The following NKPD1 variants were observed in gnomAD, a reference collection of about 807,000 sequenced individuals.
The protein encoded by NKPD1 is NTPase KAP family P-loop domain-containing protein 1.
A neutral mutation model predicts 42.2 loss-of-function variants in NKPD1; 37 were observed. That is an observed-to-expected ratio of 0.88 (90% CI 0.67 to 1.15). The LOEUF is 1.15. NKPD1 is among the 50% of genes most tolerant of loss of function. The pLI, the probability that NKPD1 is intolerant of heterozygous loss-of-function variation, is 0.00. For synonymous variants in NKPD1, 552 were observed against 536.5 expected (o/e 1.03, Z -0.40); for missense variants, 1,113 against 1,174.6 (o/e 0.95, Z 0.77).
In NKPD1 at chr19:45,152,128, T is replaced by G. The variant is rs556469784; in HGVS notation, c.2309A>C (p.Lys770Thr). Residue 770 changes from lysine to threonine, a missense_variant, in exon 5 of 5, where the codon AAG (lysine) becomes ACG (threonine). Lys to Thr is a moderately conservative substitution (Grantham distance 78). Coordinates refer to ENST00000686631, the MANE Select transcript of NKPD1 (RefSeq NM_198478.4). ...GTGGGGGGTATCGCGGGTAGGGGACTTGGGCGGGCTGGGCGGCTTGAGCGC... is the reference window on the plus strand; with the variant it reads ...GTGGGGGGTATCGCGGGTAGGGGACGTGGGCGGGCTGGGCGGCTTGAGCGC... Reference protein sequence around the residue: ...VSALKPPSPPKSPTRDTPHAA... With the variant: ...VSALKPPSPPTSPTRDTPHAA... The G allele has an allele frequency of 1.7e-5, 28 of 1,602,780 alleles. 1 individual carries two copies. The African/African-American group carries it at 2.9e-4, about 17-fold the overall frequency.
At chr19:45,154,685 G>A (rs1037077164) in intron 4 of NKPD1, among the ~76,000 whole-genome samples, 3 of 152,178 alleles carry the variant, frequency 2.0e-5, no homozygotes, top group South Asian at 2.1e-4. Context: ...CTGGCCCCAC[G>A]TGGGGCTGAG....
rs369145932 is a variant in NKPD1, at chr19:45,150,789, CTG to C, written c.*1147_*1148del. 54 of 152,406 alleles carry C rather than the reference CTG, an allele frequency of 3.5e-4. No homozygotes were observed. Among genetic ancestry groups the C allele is most frequent in the African/African-American group, 1.3e-3 (52 of 41,582 alleles). 9.4% of individuals were successfully genotyped at this position (152,406 alleles called of 1,614,324 possible). ...TATGCCCAGCCTTGGAACTAAAGAACTGTGAGGTCAGTGACCCAGTCCCATGG... is the reference window on the plus strand; with the variant it reads ...TATGCCCAGCCTTGGAACTAAAGAACTGAGGTCAGTGACCCAGTCCCATGG... On this transcript the variant is annotated 3_prime_UTR_variant, in exon 5 of 5. Coordinates refer to ENST00000686631, the MANE Select transcript of NKPD1 (RefSeq NM_198478.4).
chr19:45,157,719 CT>C (rs34991759), intron 3 of NKPD1, among the ~76,000 whole-genome samples: 7,842 of 83,084 alleles, frequency 0.094, 149 homozygotes, highest in Non-Finnish European at 0.12. Context: ...CCCAGACATA[CT>C]TTTTTTTTTT....
At position 45,153,756 on chromosome 19, in the gene NKPD1, G is replaced by A; in HGVS notation, c.681C>T (p.Ala227=). The change falls in exon 5 of 5, where the codon GCC becomes GCT. Residue 227 remains alanine, a synonymous_variant. Coordinates refer to ENST00000686631, the MANE Select transcript of NKPD1 (RefSeq NM_198478.4). ...GCAGCTCCTCGCTCTCGCGCTGCGC[G>A]GCCTCCTGCTGCATCAGCGCTGCGG... ...DKITALMQQE[A]AQRESEELQH... 1.3e-6 allele frequency: 2 copies of A among 1,497,248 alleles called. No individual in the cohort carries two copies. The highest frequency in any genetic ancestry group is 1.8e-6 in the Non-Finnish European group (2 of 1,116,828). The allele number at this position is 1,497,248 out of a possible 1,614,324, so 92.7% of individuals were successfully genotyped here. A position where few individuals can be genotyped will look rare whatever the true frequency, so the allele number is the denominator to read the frequency against.
At position 45,152,380 on chromosome 19, in the gene NKPD1, C is replaced by T; in HGVS notation, c.2057G>A (p.Gly686Asp). 2 of 1,584,396 alleles carry T rather than the reference C, an allele frequency of 1.3e-6. No homozygotes were observed. The highest frequency in any genetic ancestry group is 1.8e-5 in the Admixed American group (1 of 56,658). ...DRQQTGGAPE[G>D]RARLWDVFRD... ...GAAAACGTCCCAGAGGCGCGCGCGG[C>T]CCTCGGGCGCGCCCCCGGTCTGCTG... Residue 686 changes from glycine to aspartate, a missense_variant, in exon 5 of 5, where the codon GGC (glycine) becomes GAC (aspartate). By Grantham distance (94) the Gly-to-Asp change is moderately conservative (BLOSUM62 -1). This residue lies in a region of NKPD1 where 867 missense variants were observed against 870.1 expected (regional missense o/e 1.00). Coordinates refer to ENST00000686631, the MANE Select transcript of NKPD1 (RefSeq NM_198478.4).
Position 45,158,977 on chromosome 19 carries a change from C to T in NKPD1, c.215G>A (p.Arg72His), listed in dbSNP as rs1448038230. The T allele has an allele frequency of 5.4e-6, 7 of 1,300,284 alleles. No individual in the cohort carries two copies. Among genetic ancestry groups the T allele is most frequent in the South Asian group, 2.5e-5 (2 of 80,738 alleles). 80.5% of individuals were successfully genotyped at this position (1,300,284 alleles called of 1,614,324 possible). Residue 72 changes from arginine to histidine, a missense_variant, in exon 3 of 5, where the codon CGC becomes CAC. Physicochemically the swap from Arg to His is conservative, Grantham distance 29 (BLOSUM62 0). Coordinates refer to ENST00000686631, the MANE Select transcript of NKPD1 (RefSeq NM_198478.4). The surrounding 1 kb of genome is among the most constrained non-coding windows in gnomAD (Gnocchi z 4.6). Reference sequence around the variant, plus strand: ...CAGGACGGAGGGCAGGAGGCCCCGGCGCCAGCCACTGCCACCCACTTGGTG... The same window carrying T: ...CAGGACGGAGGGCAGGAGGCCCCGGTGCCAGCCACTGCCACCCACTTGGTG... ...HSHQVGGSGW[R>H]RGLLPSVLQQ...
chr19:45,156,392 T>C (rs1274315651), intron 3 of NKPD1, among the ~76,000 whole-genome samples: 1 of 152,134 alleles, frequency 6.6e-6, no homozygotes, highest in Non-Finnish European at 1.5e-5. Context: ...CCTCCCACCG[T>C]CCTGTCCATC....
At position 45,152,284 on chromosome 19, in the gene NKPD1, G is replaced by A. The variant is rs1027175050; in HGVS notation, c.2153C>T (p.Pro718Leu). 4 of 1,610,360 alleles carry A rather than the reference G, an allele frequency of 2.5e-6. No homozygotes were observed. Among genetic ancestry groups the A allele is most frequent in the Non-Finnish European group, 3.4e-6 (4 of 1,178,922 alleles). The change falls in exon 5 of 5, where the codon CCC (proline) becomes CTC (leucine). Residue 718 changes from proline (P) to leucine (L), a missense_variant. Physicochemically the swap from Pro to Leu is moderately conservative, Grantham distance 98. This residue lies in a region of NKPD1 where 867 missense variants were observed against 870.1 expected (regional missense o/e 1.00). Transcript: ENST00000686631. ...LQNVLDLDGD[P>L]ELFERFLGAD... ...GCCCAGGAAGCGCTCGAAGAGCTCG[G>A]GGTCGCCGTCCAGGTCGAGCACGTT... is the stretch of plus-strand genomic sequence containing the variant.
Position 45,158,601 on chromosome 19 carries a change from G to A in NKPD1, c.529+62C>T. The A allele has an allele frequency of 8.7e-7, 1 of 1,144,534 alleles. No individual in the cohort carries two copies. Among genetic ancestry groups the A allele is most frequent in the Non-Finnish European group, 1.1e-6 (1 of 921,998 alleles). The allele number at this position is 1,144,534 out of a possible 1,614,324, so 70.9% of individuals were successfully genotyped here. A position where few individuals can be genotyped will look rare whatever the true frequency, so the allele number is the denominator to read the frequency against. ...AGATGCTAGGCAGGGAGCAAGGAGA[G>A]CAGGTGGGAAGTGAGGCGGCAGGAG... On this transcript the variant is annotated intron_variant, in intron 3 of 4. Coordinates refer to ENST00000686631, the MANE Select transcript of NKPD1 (RefSeq NM_198478.4). This position sits in a 1 kb window ranked among gnomAD's most constrained non-coding sequence, Gnocchi z 4.6.
Position 45,158,810 on chromosome 19 carries a change from T to C in NKPD1, c.382A>G (p.Thr128Ala). ...ATGGCTGGTGCCGTGGTGGGTAAGG[T>C]GGGCGCCTGAGGGGCGCTGGCAGGT... ...KEPASAPQAPTLPTTAPAMAR... is the reference protein window; with the variant it reads ...KEPASAPQAPALPTTAPAMAR... The change falls in exon 3 of 5, where the codon ACC becomes GCC. Residue 128 changes from threonine (T) to alanine (A), a missense_variant. Thr to Ala is a moderately conservative substitution (Grantham distance 58). This residue lies in a region of NKPD1 where 204 missense variants were observed against 227.8 expected (regional missense o/e 0.90). Coordinates refer to ENST00000686631, the MANE Select transcript of NKPD1 (RefSeq NM_198478.4). The surrounding 1 kb of genome is among the most constrained non-coding windows in gnomAD (Gnocchi z 4.6). The C allele has an allele frequency of 1.6e-6, 2 of 1,266,684 alleles. No individual in the cohort carries two copies. Among genetic ancestry groups the C allele is most frequent in the South Asian group, 1.3e-5 (1 of 76,280 alleles). The allele number at this position is 1,266,684 out of a possible 1,614,324, so 78.5% of individuals were successfully genotyped here.
In NKPD1 at chr19:45,152,103, G is replaced by C; in HGVS notation, c.2334C>G (p.His778Gln). ...AGGCGCTGTTGGCCCGGTGGGCAGC[G>C]TGGGGGGTATCGCGGGTAGGGGACT... ...PPKSPTRDTPHAAHRANSASR... is the reference protein window; with the variant it reads ...PPKSPTRDTPQAAHRANSASR... Residue 778 changes from histidine (H) to glutamine (Q), a missense_variant, in exon 5 of 5, where the codon CAC becomes CAG. Transcript: ENST00000686631. 6.2e-7 allele frequency: 1 copy of C among 1,605,632 alleles called. No individual in the cohort carries two copies. Among genetic ancestry groups the C allele is most frequent in the South Asian group, 1.1e-5 (1 of 90,378 alleles).
chr19:45,153,282 G>C lies in NKPD1; in HGVS notation c.1155C>G (p.Thr385=). The part of the protein sequence containing the change: ...SLLKVFGGAA[T]TLSGSGLLMA... ...TGAGCAGCCCCGAGCCCGACAGTGT[G>C]GTGGCCGCGCCGCCAAACACCTTGA... The change falls in exon 5 of 5, where the codon ACC becomes ACG. Residue 385 remains threonine, a synonymous_variant. Coordinates refer to ENST00000686631, the MANE Select transcript of NKPD1 (RefSeq NM_198478.4). 1.3e-6 allele frequency: 2 copies of C among 1,596,534 alleles called. No individual in the cohort carries two copies. Among genetic ancestry groups the C allele is most frequent in the African/African-American group, 1.3e-5 (1 of 74,732 alleles).
rs759349103 is a variant in NKPD1, at chr19:45,153,582, C to T, written c.855G>A (p.Gln285=). The part of the protein sequence containing the change: ...QFLFIRFSAW[Q]YAGTDKLWAG... ...CCCACAGCTTGTCGGTGCCCGCGTA[C>T]TGCCAGGCGCTAAAGCGGATGAAAA... The change falls in exon 5 of 5, where the codon CAG becomes CAA. Residue 285 remains glutamine (Q), a synonymous_variant. Transcript: ENST00000686631. 3.2e-6 allele frequency: 5 copies of T among 1,563,470 alleles called. No individual in the cohort carries two copies. In the South Asian group the frequency reaches 5.8e-5, roughly 18 times the overall value.
intron 2 of NKPD1, among the ~76,000 whole-genome samples, chr19:45,159,478 C>G (rs934474542): frequency 6.6e-6 from 1 of 151,962 alleles, no homozygotes; most frequent in African/African-American, 2.4e-5. Context: ...CTGGCTGGCC[C>G]AGGGAGGCCG....
In NKPD1 at chr19:45,160,163, G is replaced by C. The variant is rs1044228252; in HGVS notation, c.-13C>G. 3 of 1,299,478 alleles carry C rather than the reference G, an allele frequency of 2.3e-6. No individual in the cohort carries two copies. In the African/African-American group the frequency reaches 4.6e-5, roughly 20 times the overall value. The allele number at this position is 1,299,478 out of a possible 1,614,324, so 80.5% of individuals were successfully genotyped here. On this transcript the variant is annotated 5_prime_UTR_variant, in exon 2 of 5. Coordinates refer to ENST00000686631, the MANE Select transcript of NKPD1 (RefSeq NM_198478.4). Reference sequence around the variant, plus strand: ...AATGTTTGTGCATGGCAGCCGGGCAGCTGGGTGCTGGGGGCCTGCTCCTGA... The same window carrying C: ...AATGTTTGTGCATGGCAGCCGGGCACCTGGGTGCTGGGGGCCTGCTCCTGA...
chr19:45,152,779 T>C lies in NKPD1; in HGVS notation c.1658A>G (p.Tyr553Cys). Residue 553 changes from tyrosine (Y) to cysteine (C), a missense_variant, in exon 5 of 5, where the codon TAC becomes TGC. Around this residue, in one of 3 missense-constraint regions of NKPD1, gnomAD observed 867 missense variants for 870.1 expected, o/e 1.00. Transcript: ENST00000686631. ...CCACGGCTTGCGCGTCATCTCGCGG[T>C]ACAACAGGTCGTCGCGGCTCTGCAC... ...DAVQSRDDLL[Y>C]REMTRKPWLP... 2 of 1,599,758 alleles carry C rather than the reference T, an allele frequency of 1.3e-6. No homozygotes were observed. The highest frequency in any genetic ancestry group is 1.7e-6 in the Non-Finnish European group (2 of 1,174,512).
Position 45,153,306 on chromosome 19 carries a change from G to C in NKPD1, c.1131C>G (p.Leu377=). The C allele has an allele frequency of 1.3e-6, 2 of 1,581,938 alleles. No individual in the cohort carries two copies. Among genetic ancestry groups the C allele is most frequent in the Non-Finnish European group, 1.7e-6 (2 of 1,165,110 alleles). Residue 377 remains leucine, a synonymous_variant, in exon 5 of 5, where the codon CTC becomes CTG. Transcript: ENST00000686631. ...LGHGSPSGSL[L]KVFGGAATTL... is the part of the protein sequence containing the mutation. Reference sequence around the variant, plus strand: ...TGGTGGCCGCGCCGCCAAACACCTTGAGCAGGCTGCCGCTCGGGCTGCCGT... The same window carrying C: ...TGGTGGCCGCGCCGCCAAACACCTTCAGCAGGCTGCCGCTCGGGCTGCCGT...
chr19:45,151,818 G>A lies in NKPD1; in HGVS notation c.*120C>T, dbSNP rs1968782425. The A allele has an allele frequency of 2.7e-6, 3 of 1,097,090 alleles. No individual in the cohort carries two copies. The highest frequency in any genetic ancestry group is 2.5e-6 in the Non-Finnish European group (2 of 800,542). 68.0% of individuals were successfully genotyped at this position (1,097,090 alleles called of 1,614,324 possible). A position where few individuals can be genotyped will look rare whatever the true frequency, so the allele number is the denominator to read the frequency against. ...CACGGCTCTGGCTCAGGTTCACCTG[G>A]GGGTGTGGGCCTCACAGGGCTCATT... On this transcript the variant is annotated 3_prime_UTR_variant, in exon 5 of 5. Transcript: ENST00000686631.
rs1048547214 is a variant in NKPD1, at chr19:45,152,875, C to T, written c.1562G>A (p.Arg521His). ...CACAGAGAAGGGCAGCGTGACAGTG[C>T]GGTTGAGGAAGAGGTAGCCGTTATC... Reference protein sequence around the residue: ...TADNGYLFLNRTVTLPFSVPI... With the variant: ...TADNGYLFLNHTVTLPFSVPI... Residue 521 changes from arginine to histidine, a missense_variant, in exon 5 of 5, where the codon CGC becomes CAC. By Grantham distance (29) the Arg-to-His change is conservative (BLOSUM62 0). This residue lies in a region of NKPD1 where 867 missense variants were observed against 870.1 expected (regional missense o/e 1.00). Transcript: ENST00000686631. 12 of 1,586,496 alleles carry T rather than the reference C, an allele frequency of 7.6e-6. No individual in the cohort carries two copies. Among genetic ancestry groups the T allele is most frequent in the Non-Finnish European group, 7.7e-6 (9 of 1,163,602 alleles).
Sources: allele counts gnomAD v4.1 joint callset (sites outside exome capture counted in the v4.1 genomes callset), GRCh38; gene constraint gnomAD v4.1.1; regional missense constraint gnomAD v4.1.1; non-coding constraint Gnocchi (gnomAD v3.1); transcripts MANE v1.5; gene names NCBI Gene and HGNC (gene_info 2026-07-23, HGNC 2026-07-21).